The following KIAA1328 variants were observed in gnomAD, a reference collection of about 807,000 sequenced individuals.
KIAA1328 encodes the protein protein hinderin.
In KIAA1328, 52 loss-of-function variants were observed where a neutral mutation model predicts 68.1. That is an observed-to-expected ratio of 0.76 (90% CI 0.61 to 0.96). The LOEUF is 0.96. Ranked by LOEUF, KIAA1328 falls within the 40% of genes least tolerant of loss-of-function variation. KIAA1328 has a pLI of 0.00. For missense variants in KIAA1328, 641 were observed against 677.6 expected (o/e 0.95, Z 0.60); for synonymous variants, 232 against 239.4 (o/e 0.97, Z 0.28).
chr18:37,104,228 A>T (rs1568410770), intron 7 of KIAA1328, among the ~76,000 whole-genome samples: 2 of 152,222 alleles, frequency 1.3e-5, no homozygotes, highest in African/African-American at 4.8e-5. Context: ...CGTGTTTATT[A>T]TAGCACTATT....
chr18:37,093,304 A>G (rs1362152898), intron 7 of KIAA1328, among the ~76,000 whole-genome samples: 1 of 152,208 alleles, frequency 6.6e-6, no homozygotes, highest in African/African-American at 2.4e-5. Flanking sequence ...ATACCAAGGA[A>G]AGGAAATTAT....
chr18:36,980,690 A>G (rs2052648258), intron 6 of KIAA1328, among the ~76,000 whole-genome samples: 1 of 152,134 alleles, frequency 6.6e-6, no homozygotes, highest in African/African-American at 2.4e-5. Flanking sequence ...ATTATCTTGT[A>G]GCTCCCATAA....
chr18:36,834,402 A>G, intron 2 of KIAA1328, 47 bp downstream of exon 2: 1 of 1,474,192 alleles, frequency 6.8e-7, no homozygotes, highest in Non-Finnish European at 9.2e-7. Flanking sequence ...TTGGTCCTTA[A>G]ATGTTAGAAG....
At chr18:36,954,796 G>A (rs999743794) in intron 5 of KIAA1328, among the ~76,000 whole-genome samples, 2 of 151,210 alleles carry the variant, frequency 1.3e-5, no homozygotes, top group East Asian at 3.9e-4. Context: ...CTGGGTTCAA[G>A]CAATTGTCTT....
intron 7 of KIAA1328, among the ~76,000 whole-genome samples, chr18:37,106,923 T>C (rs576194389): frequency 6.6e-6 from 1 of 152,312 alleles, no homozygotes; most frequent in South Asian, 2.1e-4. Context: ...ACTTACCCCT[T>C]ACACTAGTTG....
At chr18:36,948,149 T>C (rs1327306044) in intron 5 of KIAA1328, among the ~76,000 whole-genome samples, 2 of 152,062 alleles carry the variant, frequency 1.3e-5, no homozygotes, top group Admixed American at 6.6e-5. Context: ...AGAGGTATCA[T>C]GTGTATTGAA....
chr18:37,127,006 TACTA>T (rs1428923623), intron 7 of KIAA1328, among the ~76,000 whole-genome samples: 4 of 152,196 alleles, frequency 2.6e-5, no homozygotes, highest in African/African-American at 9.6e-5. Flanking sequence ...CACCGTACCC[TACTA>T]AGACTGGAAA....
intron 5 of KIAA1328, among the ~76,000 whole-genome samples, chr18:36,918,584 T>G (rs1200402143): frequency 1.3e-5 from 2 of 152,044 alleles, no homozygotes; most frequent in Admixed American, 1.3e-4. Context: ...GGCTAACTGT[T>G]TTGTATTTTT....
intron 6 of KIAA1328, among the ~76,000 whole-genome samples, chr18:37,064,536 AC>A (rs35629735): frequency 0.053 from 6,170 of 116,108 alleles, 202 homozygotes; most frequent in African/African-American, 0.055. Context: ...GACTGAAAGT[AC>A]CCCCCCCCCC....
At chr18:37,124,765 T>G (rs906741927) in intron 7 of KIAA1328, among the ~76,000 whole-genome samples, 1 of 152,154 alleles carries the variant, frequency 6.6e-6, no homozygotes, top group African/African-American at 2.4e-5. Flanking sequence ...TCCTCTAATA[T>G]GCTAAGCTTA....
intron 7 of KIAA1328, among the ~76,000 whole-genome samples, chr18:37,151,577 C>T (rs879331683): frequency 6.6e-6 from 1 of 152,032 alleles, no homozygotes; most frequent in Admixed American, 6.6e-5. Context: ...CCTTAAGATG[C>T]ATAAATAGAT....
intron 4 of KIAA1328, among the ~76,000 whole-genome samples, chr18:36,868,756 T>C (rs1378833312): frequency 6.6e-6 from 1 of 152,190 alleles, no homozygotes; most frequent in Non-Finnish European, 1.5e-5. Context: ...CAGTGAATAC[T>C]TGGGCACTAA....
At chr18:36,840,317 G>C (rs1272042368) in intron 3 of KIAA1328, among the ~76,000 whole-genome samples, 1 of 152,056 alleles carries the variant, frequency 6.6e-6, no homozygotes, top group East Asian at 1.9e-4. Flanking sequence ...GGGTAAATCT[G>C]GTCCCTGTTA....
chr18:37,216,038 T>G (rs2060424978), intron 9 of KIAA1328, among the ~76,000 whole-genome samples: 1 of 152,206 alleles, frequency 6.6e-6, no homozygotes, highest in Admixed American at 6.5e-5. Flanking sequence ...CTCTTCTCCC[T>G]TTTCTTCCTT....
intron 7 of KIAA1328, among the ~76,000 whole-genome samples, chr18:37,093,123 A>G (rs1468364297): frequency 6.6e-6 from 1 of 152,172 alleles, no homozygotes; most frequent in Non-Finnish European, 1.5e-5. Flanking sequence ...CTCAGCCAAC[A>G]CTATAAATAT....
At chr18:37,145,314 A>G (rs749666809) in intron 7 of KIAA1328, among the ~76,000 whole-genome samples, 16 of 152,186 alleles carry the variant, frequency 1.1e-4, no homozygotes, top group Non-Finnish European at 2.2e-4. Context: ...GTCAGATAAC[A>G]TATTCTGTAA....
chr18:37,065,846 C>T (rs997786102), intron 6 of KIAA1328, among the ~76,000 whole-genome samples: 11 of 152,160 alleles, frequency 7.2e-5, no homozygotes, highest in Non-Finnish European at 1.0e-4. Context: ...TTCTGAAATA[C>T]ACTGTGAAGA....
rs1417384945 is a variant in KIAA1328, at chr18:37,101,316, C to G, written c.1232+33771C>G. Among the ~76,000 whole-genome samples the G allele has an allele frequency of 2.6e-5, 4 of 152,140 alleles. No individual in the cohort carries two copies. In the South Asian group the frequency reaches 8.3e-4, roughly 32 times the overall value. ...ACTAGAATAACCAATGCAGAGAAGT[C>G]CTTAAAGGACCTGATGGAGCTGAAA... On this transcript the variant is annotated intron_variant, in intron 7 of 9. Coordinates refer to ENST00000280020, the MANE Select transcript of KIAA1328 (RefSeq NM_020776.3).
intron 7 of KIAA1328, among the ~76,000 whole-genome samples, chr18:37,155,446 G>C (rs1384083546): frequency 3.3e-5 from 5 of 152,006 alleles, no homozygotes; most frequent in African/African-American, 1.2e-4. Context: ...AGTCATTCTT[G>C]ACTTTTCTCT....
Sources: gnomAD v4.1 joint callset for allele counts (sites outside exome capture counted in the v4.1 genomes callset) on GRCh38, gnomAD v4.1.1 for gene constraint, MANE v1.5 for transcripts, NCBI Gene and HGNC (gene_info 2026-07-23, HGNC 2026-07-21) for gene names.